The following PCMTD1 variants were observed in gnomAD, a reference collection of about 807,000 sequenced individuals.
The protein encoded by PCMTD1 is protein-L-isoaspartate (D-aspartate) O-methyltransferase domain containing 1, also known as protein-L-isoaspartate O-methyltransferase domain-containing protein 1.
PCMTD1 carries 12 observed loss-of-function variants against 37.6 expected under a neutral mutation model. The observed-to-expected ratio is 0.32, with a 90% CI of 0.20 to 0.52. PCMTD1 has a LOEUF of 0.52. Ranked by LOEUF, PCMTD1 falls within the 20% of genes least tolerant of loss-of-function variation. The probability of loss-of-function intolerance (pLI) is 0.97; values close to 1 mark genes in which losing one functional copy is unlikely to be tolerated. For synonymous variants in PCMTD1, 117 were observed against 135.8 expected, an observed-to-expected ratio of 0.86 and a Z score of 0.96; for missense variants, 235 against 421.3, an observed-to-expected ratio of 0.56 and a Z score of 3.87.
chr8:51,883,674 C>T (rs1332542337), intron 1 of PCMTD1, among the ~76,000 whole-genome samples: 1 of 152,140 alleles, frequency 6.6e-6, no homozygotes, highest in Non-Finnish European at 1.5e-5. Context: ...CTAAATCATT[C>T]CCTTGATGTA....
chr8:51,880,986 G>T (rs1310287125), intron 1 of PCMTD1, among the ~76,000 whole-genome samples: 2 of 152,086 alleles, frequency 1.3e-5, no homozygotes, highest in Non-Finnish European at 2.9e-5. Context: ...ACCATTCTTA[G>T]TTTGCAGACC....
intron 1 of PCMTD1, among the ~76,000 whole-genome samples, chr8:51,889,418 G>C (rs1186296680): frequency 1.3e-5 from 2 of 152,134 alleles, no homozygotes; most frequent in African/African-American, 4.8e-5. Context: ...TTAGGGATGG[G>C]AAACGAAGGA....
rs79808772 is a variant in PCMTD1, at chr8:51,846,649, A to C, written c.308-886T>G. ...GTGTCTTATTTTCAGTATCTTTAGG[A>C]AATACTTAACTGGATGTGCCCTCTA... On this transcript the variant is annotated intron_variant, in intron 2 of 5. Transcript: ENST00000522514. 7.8e-3 allele frequency among the ~76,000 whole-genome samples: 1,192 copies of C among 152,286 alleles called. 18 individuals are homozygous for C. The highest frequency in any genetic ancestry group is 0.027 in the African/African-American group (1,134 of 41,544).
chr8:51,879,494 A>G (rs2129291641), intron 1 of PCMTD1, among the ~76,000 whole-genome samples: 1 of 152,308 alleles, frequency 6.6e-6, no homozygotes, highest in Admixed American at 6.5e-5. Flanking sequence ...GGGCTATAGG[A>G]ATTCATATAT....
intron 4 of PCMTD1, 106 bp from the exon 5 acceptor site, chr8:51,831,673 C>A (rs998030691): frequency 9.1e-7 from 1 of 1,103,482 alleles, no homozygotes; most frequent in Non-Finnish European, 1.3e-6. Flanking sequence ...GTTAGAGCTA[C>A]ACAATCACTT....
At chr8:51,885,033 C>A (rs188976973) in intron 1 of PCMTD1, among the ~76,000 whole-genome samples, 44 of 152,306 alleles carry the variant, frequency 2.9e-4, no homozygotes, top group Non-Finnish European at 5.7e-4. Flanking sequence ...GCTCAAATTA[C>A]TGCATGATTT....
intron 1 of PCMTD1, among the ~76,000 whole-genome samples, chr8:51,874,442 T>C (rs2038684260): frequency 6.6e-6 from 1 of 150,840 alleles, no homozygotes; most frequent in African/African-American, 2.4e-5. Flanking sequence ...TGGTTTCAGG[T>C]CCCAGAGATA....
chr8:51,873,379 TA>T (rs2038665073), intron 1 of PCMTD1, among the ~76,000 whole-genome samples: 1 of 152,166 alleles, frequency 6.6e-6, no homozygotes, highest in African/African-American at 2.4e-5. Context: ...AATGCACACT[TA>T]AAAAATGATA....
rs2129270681 is a variant in PCMTD1 at position 51,818,211 on chromosome 8, A to G, written c.*2140T>C. On this transcript the variant is annotated 3_prime_UTR_variant, in exon 6 of 6. Transcript: ENST00000522514. ...CTCTTAAAGTCAATGATAAACTCAC[A>G]AGTGTAAAATGAATGCATTTAAAAA... The G allele has an allele frequency of 3.4e-6, 1 of 296,960 alleles. No individual in the cohort carries two copies. The allele number at this position is 296,960 out of a possible 1,614,324, so 18.4% of individuals were successfully genotyped here.
intron 5 of PCMTD1, among the ~76,000 whole-genome samples, chr8:51,824,849 C>T (rs773717515): frequency 3.2e-4 from 49 of 152,112 alleles, no homozygotes; most frequent in Non-Finnish European, 4.4e-5. Flanking sequence ...AACAGATATA[C>T]AGACCAATGG....
Position 51,831,126 on chromosome 8 carries a change from C to CT in PCMTD1, c.706+317_706+318insA, listed in dbSNP as rs1563337151. ...CAGCCTGGCCAACATGGTGAAACAGCGTCTCTTCTAAAAATACAAAAATTA... is the reference window on the plus strand; with the variant it reads ...CAGCCTGGCCAACATGGTGAAACAGCTGTCTCTTCTAAAAATACAAAAATTA... On this transcript the variant is annotated intron_variant, in intron 5 of 5. Coordinates refer to ENST00000522514, the MANE Select transcript of PCMTD1 (RefSeq NM_052937.4). Among the ~76,000 whole-genome samples, 25 of 151,888 alleles carry CT rather than the reference C, an allele frequency of 1.6e-4. 1 individual carries two copies. The highest frequency in any genetic ancestry group is 3.2e-4 in the Non-Finnish European group (22 of 67,970).
intron 1 of PCMTD1, among the ~76,000 whole-genome samples, chr8:51,878,413 G>C (rs1168410252): frequency 6.6e-6 from 1 of 152,082 alleles, no homozygotes; most frequent in Non-Finnish European, 1.5e-5. Flanking sequence ...TTTTCTTTAA[G>C]TTTGAAACTA....
chr8:51,825,816 T>C (rs2037913425), intron 5 of PCMTD1, among the ~76,000 whole-genome samples: 1 of 152,064 alleles, frequency 6.6e-6, no homozygotes, highest in Admixed American at 6.6e-5. Flanking sequence ...AAATGCCATT[T>C]CACACCAATT....
Position 51,817,657 on chromosome 8 carries a change from T to C in PCMTD1, c.*2694A>G, listed in dbSNP as rs1191706750. The C allele has an allele frequency of 4.7e-5, 10 of 213,750 alleles. No homozygotes were observed. The highest frequency in any genetic ancestry group is 7.7e-5 in the Non-Finnish European group (8 of 104,390). 13.2% of individuals were successfully genotyped at this position (213,750 alleles called of 1,614,324 possible). ...GATTTAACAGGCTTTGCTTCACTTTTATCATCTCAAACAGCTATAAATCAA... is the reference window on the plus strand; with the variant it reads ...GATTTAACAGGCTTTGCTTCACTTTCATCATCTCAAACAGCTATAAATCAA... On this transcript the variant is annotated 3_prime_UTR_variant, in exon 6 of 6. Coordinates refer to ENST00000522514, the MANE Select transcript of PCMTD1 (RefSeq NM_052937.4).
At chr8:51,835,539 C>A (rs2038056624) in intron 3 of PCMTD1, among the ~76,000 whole-genome samples, 1 of 152,078 alleles carries the variant, frequency 6.6e-6, no homozygotes, top group Non-Finnish European at 1.5e-5. Context: ...AGTAAGCATT[C>A]TTTAATAATA....
At position 51,817,844 on chromosome 8, in the gene PCMTD1, G is replaced by A. The variant is rs2037780711; in HGVS notation, c.*2507C>T. 2.2e-6 allele frequency: 1 copy of A among 456,646 alleles called. No individual in the cohort carries two copies. The highest frequency in any genetic ancestry group is 2.3e-5 in the Admixed American group (1 of 42,576). The allele number at this position is 456,646 out of a possible 1,614,324, so 28.3% of individuals were successfully genotyped here. A position where few individuals can be genotyped will look rare whatever the true frequency, so the allele number is the denominator to read the frequency against. ...GATGGATTCTTGGGATTGATCTGATGCTAGAAGCTATCTTAGGCCCTGTCT... is the reference window on the plus strand; with the variant it reads ...GATGGATTCTTGGGATTGATCTGATACTAGAAGCTATCTTAGGCCCTGTCT... On this transcript the variant is annotated 3_prime_UTR_variant, in exon 6 of 6. Coordinates refer to ENST00000522514, the MANE Select transcript of PCMTD1 (RefSeq NM_052937.4).
chr8:51,852,010 C>A (rs190804437), intron 2 of PCMTD1, among the ~76,000 whole-genome samples: 431 of 152,238 alleles, frequency 2.8e-3, no homozygotes, highest in Non-Finnish European at 5.2e-3. Context: ...TCTTTCATTC[C>A]ACTGCACATC....
intron 1 of PCMTD1, among the ~76,000 whole-genome samples, chr8:51,882,192 G>A (rs765133122): frequency 3.3e-5 from 5 of 152,168 alleles, no homozygotes; most frequent in African/African-American, 1.2e-4. Context: ...TCTCTTCCTG[G>A]CTTGCCGATG....
intron 5 of PCMTD1, among the ~76,000 whole-genome samples, chr8:51,829,776 A>G (rs941649313): frequency 6.6e-6 from 1 of 152,202 alleles, no homozygotes; most frequent in Non-Finnish European, 1.5e-5. Context: ...TCGTAAAAAC[A>G]AAACAAAACA....
Sources: gnomAD v4.1 joint callset for allele counts (sites outside exome capture counted in the v4.1 genomes callset) on GRCh38, gnomAD v4.1.1 for gene constraint, MANE v1.5 for transcripts, NCBI Gene and HGNC (gene_info 2026-07-23, HGNC 2026-07-21) for gene names.